The following WWOX variants were observed in gnomAD, a reference collection of about 807,000 sequenced individuals.
The protein encoded by WWOX is WW domain-containing oxidoreductase.
A neutral mutation model predicts 46.2 loss-of-function variants in WWOX; 69 were observed. The observed-to-expected ratio is 1.49, with a 90% CI of 1.23 to 1.82. The LOEUF is 1.82. WWOX is among the 40% of genes most tolerant of loss of function. The pLI is 0.00. For missense variants in WWOX, 919 were observed against 542.6 expected (o/e 1.69, Z -6.89); for synonymous variants, 359 against 202.6 (o/e 1.77, Z -6.56).
intron 4 of WWOX, among the ~76,000 whole-genome samples, chr16:78,144,391 G>A (rs2151710927): frequency 7.7e-6 from 1 of 130,442 alleles, no homozygotes; most frequent in South Asian, 2.6e-4. Context: ...ATAGCCTGAT[G>A]TTTTATTAGG....
chr16:78,334,820 A>ACG (rs2080844670), intron 5 of WWOX, among the ~76,000 whole-genome samples: 2 of 87,780 alleles, frequency 2.3e-5, no homozygotes, highest in Admixed American at 2.8e-4. Context: ...ACACACACAC[A>ACG]CACACACACA....
rs1024008216 is a variant in WWOX at position 78,228,302 on chromosome 16, T to C, written c.516+64013T>C. Among the ~76,000 whole-genome samples the C allele has an allele frequency of 3.3e-5, 5 of 151,386 alleles. 1 individual carries two copies. Among genetic ancestry groups the C allele is most frequent in the Admixed American group, 1.3e-4 (2 of 15,216 alleles). ...CTGCATAAACAATTTTTCTCCTCAG[T>C]AGACATTTACATGAGTCAATAGGAA... On this transcript the variant is annotated intron_variant, in intron 5 of 8. Transcript: ENST00000566780.
At chr16:78,833,819 G>T (rs553695621) in intron 8 of WWOX, among the ~76,000 whole-genome samples, 1 of 152,340 alleles carries the variant, frequency 6.6e-6, no homozygotes, top group African/African-American at 2.4e-5. Flanking sequence ...CAGCTCACAA[G>T]CAAGTGCAGG....
chr16:78,948,291 C>A (rs2045988334), intron 8 of WWOX, among the ~76,000 whole-genome samples: 1 of 152,070 alleles, frequency 6.6e-6, no homozygotes, highest in Admixed American at 6.6e-5. Context: ...TGTTTGGGAC[C>A]CCTGTTGCTG....
intron 8 of WWOX, among the ~76,000 whole-genome samples, chr16:78,998,477 T>A (rs1216930865): frequency 6.6e-6 from 1 of 152,300 alleles, no homozygotes; most frequent in East Asian, 1.9e-4. Flanking sequence ...ACTGAGGGAC[T>A]AAGAGAAATA....
At chr16:78,882,259 G>C (rs1312227630) in intron 8 of WWOX, among the ~76,000 whole-genome samples, 1 of 152,134 alleles carries the variant, frequency 6.6e-6, no homozygotes, top group Non-Finnish European at 1.5e-5. Context: ...CAAAGTCTTT[G>C]ACAATTATAC....
At chr16:78,580,583 G>A (rs183545617) in intron 8 of WWOX, among the ~76,000 whole-genome samples, 1 of 152,294 alleles carries the variant, frequency 6.6e-6, no homozygotes, top group African/African-American at 2.4e-5. Flanking sequence ...TTTCTTTATC[G>A]TAAGCACACT....
intron 8 of WWOX, among the ~76,000 whole-genome samples, chr16:78,517,738 A>C (rs79334981): frequency 1.1e-4 from 17 of 150,918 alleles, no homozygotes; most frequent in Admixed American, 7.3e-4. Flanking sequence ...AACTAAACAC[A>C]TGTCACGTTA....
intron 8 of WWOX, among the ~76,000 whole-genome samples, chr16:79,152,585 C>T (rs950510233): frequency 5.3e-5 from 8 of 151,802 alleles, no homozygotes; most frequent in East Asian, 1.9e-4. Flanking sequence ...GCAGGAGAAT[C>T]GCTTGAACCC....
intron 4 of WWOX, among the ~76,000 whole-genome samples, chr16:78,153,399 C>T (rs1467755933): frequency 6.6e-6 from 1 of 152,148 alleles, no homozygotes; most frequent in Non-Finnish European, 1.5e-5. Context: ...AGGAGAAACT[C>T]ATCCTTAAAG....
At chr16:78,691,334 T>C in intron 8 of WWOX, 1 of 699,792 alleles carries the variant, frequency 1.4e-6, no homozygotes, top group Non-Finnish European at 2.6e-6. Flanking sequence ...TATTTCATTT[T>C]CAACATAGCT....
intron 8 of WWOX, among the ~76,000 whole-genome samples, chr16:79,148,555 T>G (rs561671290): frequency 2.0e-5 from 3 of 152,280 alleles, no homozygotes; most frequent in African/African-American, 4.8e-5. Context: ...AGACCTGTGC[T>G]TTTTCATATA....
chr16:78,214,935 C>A (rs1284355005), intron 5 of WWOX, among the ~76,000 whole-genome samples: 1 of 151,858 alleles, frequency 6.6e-6, no homozygotes, highest in Admixed American at 6.5e-5. Context: ...GTATTTGATA[C>A]TTAATCATAT....
At chr16:78,146,601 T>G (rs1339290744) in intron 4 of WWOX, among the ~76,000 whole-genome samples, 1 of 152,184 alleles carries the variant, frequency 6.6e-6, no homozygotes, top group Non-Finnish European at 1.5e-5. Context: ...CACCCGTCCC[T>G]CATCATGGTA....
chr16:79,113,460 G>A (rs1300082606), intron 8 of WWOX, among the ~76,000 whole-genome samples: 1 of 152,132 alleles, frequency 6.6e-6, no homozygotes, highest in East Asian at 1.9e-4. Context: ...TCCACACCTT[G>A]GTACAACATT....
intron 8 of WWOX, among the ~76,000 whole-genome samples, chr16:78,739,229 G>A (rs1391160117): frequency 6.6e-6 from 1 of 152,174 alleles, no homozygotes; most frequent in African/African-American, 2.4e-5. Context: ...GAATGAAAGT[G>A]TGATCCTGGA....
intron 8 of WWOX, among the ~76,000 whole-genome samples, chr16:78,847,196 C>T (rs976259442): frequency 6.6e-6 from 1 of 152,298 alleles, no homozygotes; most frequent in South Asian, 2.1e-4. Flanking sequence ...GAACTAAGAT[C>T]TAGGTGCTAG....
At chr16:78,378,490 A>G (rs7189636) in intron 5 of WWOX, among the ~76,000 whole-genome samples, 118,681 of 152,058 alleles carry the variant, frequency 0.78, 47,281 homozygotes, top group African/African-American at 0.84. Flanking sequence ...CGTTACCATT[A>G]CTTAAATAAT....
At chr16:78,124,628 G>A (rs1192327059) in intron 4 of WWOX, among the ~76,000 whole-genome samples, 1 of 152,096 alleles carries the variant, frequency 6.6e-6, no homozygotes, top group African/African-American at 2.4e-5. Context: ...CATAAATAAC[G>A]GTACATTTCA....
Sources: allele counts gnomAD v4.1 joint callset (sites outside exome capture counted in the v4.1 genomes callset), GRCh38; gene constraint gnomAD v4.1.1; transcripts MANE v1.5; gene names NCBI Gene and HGNC (gene_info 2026-07-23, HGNC 2026-07-21).